NCAM2: variants seen among roughly 807,000 people sequenced by gnomAD.
NCAM2 encodes the protein neural cell adhesion molecule 2.
Under a neutral mutation model 98.1 loss-of-function variants are expected in NCAM2, and 30 were observed. The observed-to-expected ratio is 0.31, with a 90% CI of 0.23 to 0.41. The LOEUF (loss-of-function observed/expected upper bound fraction) is 0.41, where lower values mean the gene tolerates loss of function less well. Among genes scored for constraint, NCAM2 ranks in the 10% least tolerant of loss-of-function variants. The pLI is 1.00. For missense variants in NCAM2, 867 were observed against 1,005.8 expected (o/e 0.86, Z 1.87); for synonymous variants, 368 against 342.4 (o/e 1.07, Z -0.83).
intron 17 of NCAM2, among the ~76,000 whole-genome samples, 178 bp downstream of exon 17, chr21:21,534,834 T>C (rs1989897285): frequency 6.6e-6 from 1 of 152,174 alleles, no homozygotes; most frequent in African/African-American, 2.4e-5. Flanking sequence ...ACATTTTTCA[T>C]GAAAACTTTG....
chr21:21,085,299 A>C (rs867354092), intron 1 of NCAM2, among the ~76,000 whole-genome samples: 5 of 152,124 alleles, frequency 3.3e-5, no homozygotes, highest in African/African-American at 1.2e-4. Flanking sequence ...GAACCTGGGT[A>C]AAGAGCTTAG....
chr21:21,054,644 G>A (rs9637134), intron 1 of NCAM2, among the ~76,000 whole-genome samples: 9,083 of 151,976 alleles, frequency 0.06, 285 homozygotes, highest in East Asian at 0.096. Context: ...ATGTGATACC[G>A]ATGTCTATTT....
chr21:21,221,876 CT>C (rs1461538565), intron 1 of NCAM2, among the ~76,000 whole-genome samples: 3 of 152,106 alleles, frequency 2.0e-5, no homozygotes, highest in Admixed American at 6.6e-5. Flanking sequence ...ATCTATGTGA[CT>C]TTCATAGCTA....
Position 21,534,785 on chromosome 21 carries a change from A to G in NCAM2, c.2402+129A>G. 3.1e-6 allele frequency: 3 copies of G among 959,030 alleles called. No individual in the cohort carries two copies. The South Asian group carries it at 1.2e-4, about 39-fold the overall frequency. 59.4% of individuals were successfully genotyped at this position (959,030 alleles called of 1,614,324 possible). A position where few individuals can be genotyped will look rare whatever the true frequency, so the allele number is the denominator to read the frequency against. ...GAATTGTGCTTTTACTTTTTTGATG[A>G]AAGTACATGTGAATATCTAAAATCC... On this transcript the variant is annotated intron_variant, in intron 17 of 17. Coordinates refer to ENST00000400546, the MANE Select transcript of NCAM2 (RefSeq NM_004540.5).
intron 16 of NCAM2, 78 bp downstream of exon 16, chr21:21,509,133 G>A (rs1289682464): frequency 1.4e-6 from 2 of 1,393,692 alleles, no homozygotes; most frequent in African/African-American, 1.4e-5. Context: ...TGAGGGCGTT[G>A]TAGGGTAAAG....
At chr21:21,191,177 T>C (rs1375211537) in intron 1 of NCAM2, among the ~76,000 whole-genome samples, 1 of 152,144 alleles carries the variant, frequency 6.6e-6, no homozygotes, top group African/African-American at 2.4e-5. Context: ...TTGGGAGAAA[T>C]ATACAGAACA....
At chr21:21,240,868 T>C (rs934985230) in intron 1 of NCAM2, among the ~76,000 whole-genome samples, 25 of 152,286 alleles carry the variant, frequency 1.6e-4, no homozygotes, top group African/African-American at 6.0e-4. Flanking sequence ...CACAGGATTT[T>C]GAGGATTAAT....
At chr21:21,032,944 C>CTTTCTT (rs2064717467) in intron 1 of NCAM2, among the ~76,000 whole-genome samples, 1 of 148,646 alleles carries the variant, frequency 6.7e-6, no homozygotes, top group African/African-American at 2.5e-5. Context: ...TTCTTTCTTT[C>CTTTCTT]TTTTTTTTTT....
chr21:21,422,272 A>C (rs141927971), intron 11 of NCAM2, among the ~76,000 whole-genome samples: 3 of 152,328 alleles, frequency 2.0e-5, no homozygotes, highest in African/African-American at 7.2e-5. Context: ...GTGTACACAC[A>C]TGGAAAAATA....
At chr21:21,118,805 G>T (rs1053327730) in intron 1 of NCAM2, among the ~76,000 whole-genome samples, 1 of 151,578 alleles carries the variant, frequency 6.6e-6, no homozygotes, top group African/African-American at 2.4e-5. Flanking sequence ...CCCTTACTTG[G>T]CCCCAACACA....
chr21:21,141,230 CTT>C (rs1355456707), intron 1 of NCAM2, among the ~76,000 whole-genome samples: 1 of 152,114 alleles, frequency 6.6e-6, no homozygotes, highest in East Asian at 1.9e-4. Flanking sequence ...TGTAAACAAA[CTT>C]GATATGATGA....
intron 12 of NCAM2, among the ~76,000 whole-genome samples, chr21:21,445,207 A>G (rs1343890884): frequency 1.3e-5 from 2 of 152,112 alleles, no homozygotes; most frequent in Non-Finnish European, 2.9e-5. Flanking sequence ...GCTGTTCGCT[A>G]TGATTTCAGT....
intron 1 of NCAM2, among the ~76,000 whole-genome samples, chr21:21,075,839 G>A (rs1601292764): frequency 6.6e-6 from 1 of 152,140 alleles, no homozygotes; most frequent in Non-Finnish European, 1.5e-5. Flanking sequence ...ATGATTGGCC[G>A]GGTGTGGTGG....
intron 1 of NCAM2, among the ~76,000 whole-genome samples, chr21:21,227,304 C>A (rs1349981685): frequency 6.6e-6 from 1 of 151,624 alleles, no homozygotes; most frequent in Non-Finnish European, 1.5e-5. Flanking sequence ...ATCACTGAAT[C>A]CACATTTCAT....
intron 16 of NCAM2, among the ~76,000 whole-genome samples, chr21:21,534,333 A>C (rs997896004): frequency 6.6e-6 from 1 of 152,080 alleles, no homozygotes; most frequent in African/African-American, 2.4e-5. Context: ...TCTAGAAAAA[A>C]TGGAATTTCT....
At chr21:21,232,845 A>C (rs1206333077) in intron 1 of NCAM2, among the ~76,000 whole-genome samples, 3 of 151,642 alleles carry the variant, frequency 2.0e-5, no homozygotes, top group East Asian at 3.8e-4. Context: ...CAGACTTAAA[A>C]AAATTCCAGT....
At chr21:21,435,507 C>G (rs1165147071) in intron 12 of NCAM2, among the ~76,000 whole-genome samples, 1 of 152,044 alleles carries the variant, frequency 6.6e-6, no homozygotes, top group Non-Finnish European at 1.5e-5. Context: ...GCTTACATTG[C>G]GGGGAGTGGG....
chr21:21,080,496 A>G (rs2065770667), intron 1 of NCAM2, among the ~76,000 whole-genome samples: 1 of 151,708 alleles, frequency 6.6e-6, no homozygotes, highest in Admixed American at 6.6e-5. Context: ...CATGTCTGTA[A>G]TCCCAGCTAC....
intron 1 of NCAM2, among the ~76,000 whole-genome samples, chr21:21,032,944 C>CT (rs61400853): frequency 0.19 from 27,447 of 146,304 alleles, 2,787 homozygotes; most frequent in Non-Finnish European, 0.22. Context: ...TTCTTTCTTT[C>CT]TTTTTTTTTT....
Sources: allele counts gnomAD v4.1 joint callset (sites outside exome capture counted in the v4.1 genomes callset), GRCh38; gene constraint gnomAD v4.1.1; transcripts MANE v1.5; gene names NCBI Gene and HGNC (gene_info 2026-07-23, HGNC 2026-07-21).